The following RS1 variants were observed in gnomAD, a reference collection of about 807,000 sequenced individuals.
RS1 encodes the protein retinoschisin 1, also known as retinoschisin.
Under a neutral mutation model 20.8 loss-of-function variants are expected in RS1, and 2 were observed. That is an observed-to-expected ratio of 0.10 (90% CI 0.04 to 0.30). The LOEUF (loss-of-function observed/expected upper bound fraction) is 0.30. Ranked by LOEUF, RS1 falls within the 10% of genes least tolerant of loss-of-function variation. RS1 has a pLI of 1.00. For missense variants in RS1, 151 were observed against 189.8 expected (o/e 0.80, Z 1.20); for synonymous variants, 70 against 75.8 (o/e 0.92, Z 0.40).
intron 3 of RS1, among the ~76,000 whole-genome samples, chrX:18,648,272 C>G (rs1416714887): frequency 9.1e-6 from 1 of 109,720 alleles, no homozygotes; most frequent in Non-Finnish European, 1.9e-5. Context: ...GAGACAGGGT[C>G]TCGCCCTGTC....
In RS1 at chrX:18,650,367, C is replaced by T. The variant is rs371225621; in HGVS notation, c.185-3035G>A. 4.8e-5 allele frequency: 57 copies of T among 1,185,263 alleles called. 1 individual carries two copies. In the Admixed American group the frequency reaches 7.6e-4, roughly 16 times the overall value. On this transcript the variant is annotated intron_variant, in intron 3 of 5. Coordinates refer to ENST00000379984, the MANE Select transcript of RS1 (RefSeq NM_000330.4). ...TGTCTGGGAGCCGATGCCTGCCTCC[C>T]GGGCCCCAAGCTTCATTCCACTGCC...
intron 3 of RS1, among the ~76,000 whole-genome samples, chrX:18,648,010 C>G (rs376968084): frequency 2.7e-5 from 3 of 111,418 alleles, no homozygotes; most frequent in Non-Finnish European, 5.7e-5. Context: ...ATTGTCTCCC[C>G]CTTCCTCTCG....
intron 1 of RS1, 131 bp from the exon 2 acceptor site, chrX:18,657,796 A>G (rs1470972638): frequency 1.8e-6 from 1 of 543,909 alleles, no homozygotes; most frequent in African/African-American, 2.3e-5. Flanking sequence ...GGAAGAAGTC[A>G]TGGTGAGTAA....
At chrX:18,661,831 A>G (rs192901792) in intron 1 of RS1, among the ~76,000 whole-genome samples, 4 of 112,404 alleles carry the variant, frequency 3.6e-5, no homozygotes, top group Non-Finnish European at 5.6e-5. Flanking sequence ...TTCTTCCGCC[A>G]ATGTGCTCCT....
At chrX:18,642,193 G>A (rs189368688) in intron 5 of RS1, 37 bp from the exon 6 acceptor site, 13 of 1,187,333 alleles carry the variant, frequency 1.1e-5, no homozygotes, top group African/African-American at 1.8e-5. Context: ...CCATCACATC[G>A]GGGAGGGAAA....
chrX:18,650,319 A>T, intron 3 of RS1: 1 of 861,522 alleles, frequency 1.2e-6, no homozygotes, highest in Non-Finnish European at 1.7e-6. Context: ...TGACGCTCTC[A>T]CTGTCACCTT....
chrX:18,647,504 A>C, intron 3 of RS1, 172 bp from the exon 4 acceptor site: 1 of 485,507 alleles, frequency 2.1e-6, no homozygotes, highest in Non-Finnish European at 3.6e-6. Context: ...TTCACTACTC[A>C]CGCAAGAAAG....
At chrX:18,671,811 C>T (rs1928494658) in intron 1 of RS1, among the ~76,000 whole-genome samples, 1 of 111,786 alleles carries the variant, frequency 8.9e-6, no homozygotes. Context: ...TTTTAAGCAT[C>T]CTTTGAACTT....
intron 1 of RS1, among the ~76,000 whole-genome samples, chrX:18,671,535 A>G (rs1475653022): frequency 9.0e-6 from 1 of 111,583 alleles, no homozygotes. Context: ...GGTACTGGGT[A>G]TGTTACGTTA....
At chrX:18,647,073 C>T (rs778910013) in intron 4 of RS1, 118 bp downstream of exon 4, 26 of 836,923 alleles carry the variant, frequency 3.1e-5, no homozygotes, top group South Asian at 8.6e-5. Flanking sequence ...CGTGCCACCA[C>T]GCCAGTTAAT....
Position 18,650,684 on chromosome X carries a change from C to T in RS1, c.185-3352G>A, listed in dbSNP as rs1242835783. The T allele has an allele frequency of 5.0e-6, 5 of 994,646 alleles. No individual in the cohort carries two copies. The East Asian group carries it at 1.5e-4, about 31-fold the overall frequency. 82.0% of individuals were successfully genotyped at this position (994,646 alleles called of 1,213,427 possible). A position where few individuals can be genotyped will look rare whatever the true frequency, so the allele number is the denominator to read the frequency against. ...TAGAAATGCAGATGTTCAGGCCACACCCCCAGGGATTCTGACATCATTGGC... is the reference window on the plus strand; with the variant it reads ...TAGAAATGCAGATGTTCAGGCCACATCCCCAGGGATTCTGACATCATTGGC... On this transcript the variant is annotated intron_variant, in intron 3 of 5. Transcript: ENST00000379984.
chrX:18,650,000 GGCTACTA>G lies in RS1; in HGVS notation c.185-2675_185-2669del. On this transcript the variant is annotated intron_variant, in intron 3 of 5. Coordinates refer to ENST00000379984, the MANE Select transcript of RS1 (RefSeq NM_000330.4). ...CACCCGCCGCCGCCGCCCCGCTCAG[GGCTACTA>G]GCTCTGAGAGAGTAGGCAGAGGGGA... is the stretch of plus-strand genomic sequence containing the variant. The G allele has an allele frequency of 1.3e-5, 3 of 234,570 alleles. No individual in the cohort carries two copies. In the South Asian group the frequency reaches 1.6e-4, roughly 13 times the overall value. The allele number at this position is 234,570 out of a possible 1,213,427, so 19.3% of individuals were successfully genotyped here.
chrX:18,671,919 ATATT>A lies in RS1; in HGVS notation c.52+94_52+97del. The A allele has an allele frequency of 4.1e-6, 3 of 732,419 alleles. No homozygotes were observed. In the South Asian group the frequency reaches 6.9e-5, roughly 17 times the overall value. 60.4% of individuals were successfully genotyped at this position (732,419 alleles called of 1,213,427 possible). On this transcript the variant is annotated intron_variant, in intron 1 of 5. Transcript: ENST00000379984. ...TTAATTAACGTGTTGCTAATTAATA[ATATT>A]TATATTATTCAGGCTATATTCCTAT...
chrX:18,643,837 T>C (rs1028371418), intron 5 of RS1, among the ~76,000 whole-genome samples: 3 of 110,585 alleles, frequency 2.7e-5, no homozygotes, highest in Non-Finnish European at 1.9e-5. Context: ...CAAATATATA[T>C]ATATATATAT....
chrX:18,669,964 G>T (rs1054586229), intron 1 of RS1, among the ~76,000 whole-genome samples: 5 of 111,982 alleles, frequency 4.5e-5, no homozygotes, highest in Non-Finnish European at 9.4e-5. Context: ...GATGTTCTCT[G>T]CTCTTCGTGG....
intron 1 of RS1, among the ~76,000 whole-genome samples, chrX:18,663,571 C>T (rs938162895): frequency 9.1e-6 from 1 of 110,064 alleles, no homozygotes; most frequent in Non-Finnish European, 1.9e-5. Context: ...GTCTTGAGCT[C>T]CTGGGCTCAA....
chrX:18,652,168 G>C (rs1602317131), intron 3 of RS1, among the ~76,000 whole-genome samples: 1 of 111,271 alleles, frequency 9.0e-6, no homozygotes, highest in East Asian at 2.8e-4. Context: ...GTATTGACTG[G>C]ACAGATGGAT....
In RS1 at chrX:18,639,793, A is replaced by T. The variant is rs926949568; in HGVS notation, c.*2211T>A. On this transcript the variant is annotated 3_prime_UTR_variant, in exon 6 of 6. Coordinates refer to ENST00000379984, the MANE Select transcript of RS1 (RefSeq NM_000330.4). ...TAAATAACAATGTGCTCTTGACATG[A>T]TACTGAACAATGATGTTCAGCAATA... The T allele has an allele frequency of 3.6e-5, 4 of 112,571 alleles. No individual in the cohort carries two copies. The highest frequency in any genetic ancestry group is 7.5e-5 in the Non-Finnish European group (4 of 53,373). 9.3% of individuals were successfully genotyped at this position (112,571 alleles called of 1,213,427 possible).
intron 2 of RS1, 55 bp from the exon 3 acceptor site, chrX:18,656,813 T>G (rs868542187): frequency 1.5e-5 from 15 of 1,009,513 alleles, no homozygotes; most frequent in Non-Finnish European, 2.1e-5. Flanking sequence ...GCAACTGTGG[T>G]TGCCCCCACG....
Sources: allele counts gnomAD v4.1 joint callset (sites outside exome capture counted in the v4.1 genomes callset), GRCh38; gene constraint gnomAD v4.1.1; transcripts MANE v1.5; gene names NCBI Gene and HGNC (gene_info 2026-07-23, HGNC 2026-07-21).